CSTPP1: variants seen among roughly 807,000 people sequenced by gnomAD.
CSTPP1 encodes UPF0705 protein C11orf49.
At chr11:47,130,635 CCTT>C in the CSTPP1 span, 36,456 of 151,868 alleles carry the variant, frequency 0.24, 5,078 homozygotes, top group East Asian at 0.65. Flanking sequence ...TGTCTTGCCT[CCTT>C]CTTCCCTTCC....
the CSTPP1 span, among the ~76,000 whole-genome samples, chr11:47,090,970 C>A: frequency 1.4e-5 from 2 of 139,552 alleles, no homozygotes; most frequent in African/African-American, 5.4e-5. Context: ...ACCTGGGAGG[C>A]AGAGTTTGCA....
the CSTPP1 span, among the ~76,000 whole-genome samples, chr11:47,083,935 G>T: frequency 1.3e-5 from 2 of 152,146 alleles, no homozygotes; most frequent in African/African-American, 2.4e-5. Context: ...TCTTTTTATG[G>T]ATGTATGTTT....
the CSTPP1 span, among the ~76,000 whole-genome samples, chr11:47,065,315 A>T: frequency 6.7e-6 from 1 of 148,500 alleles, no homozygotes. Context: ...TCTTTCAGCA[A>T]TTTTTTTTTT....
chr11:47,089,298 T>C, the CSTPP1 span, among the ~76,000 whole-genome samples: 1 of 152,222 alleles, frequency 6.6e-6, no homozygotes. Flanking sequence ...TAATTTCCTC[T>C]TTATGTATAC....
chr11:47,144,625 A>G, the CSTPP1 span, among the ~76,000 whole-genome samples: 1 of 152,174 alleles, frequency 6.6e-6, no homozygotes, highest in Non-Finnish European at 1.5e-5. Context: ...AGAAAATAAT[A>G]TATAACAAAA....
the CSTPP1 span, chr11:47,137,723 C>A: frequency 1.1e-5 from 18 of 1,614,078 alleles, no homozygotes; most frequent in Middle Eastern, 1.6e-4. Context: ...ACTCAGAAAG[C>A]AGCCAGGTAC....
the CSTPP1 span, among the ~76,000 whole-genome samples, chr11:47,029,534 G>A: frequency 1.1e-4 from 16 of 151,630 alleles, no homozygotes; most frequent in East Asian, 5.9e-4. Flanking sequence ...TCTTGAACCT[G>A]AGAGGTGGAA....
chr11:47,133,239 G>A, the CSTPP1 span, among the ~76,000 whole-genome samples: 1 of 152,194 alleles, frequency 6.6e-6, no homozygotes, highest in East Asian at 1.9e-4. Context: ...CCACATAATT[G>A]GTGAGACTAG....
the CSTPP1 span, among the ~76,000 whole-genome samples, chr11:46,949,516 A>AGG: frequency 6.6e-6 from 1 of 152,180 alleles, no homozygotes; most frequent in African/African-American, 2.4e-5. Flanking sequence ...GCCTGAACAT[A>AGG]GGGACTGTTT....
the CSTPP1 span, among the ~76,000 whole-genome samples, chr11:47,108,693 A>AGT: frequency 7.0e-6 from 1 of 143,800 alleles, no homozygotes; most frequent in African/African-American, 2.6e-5. Context: ...GGGACAGTTC[A>AGT]GTACTATCTA....
chr11:46,961,181 A>G, the CSTPP1 span, among the ~76,000 whole-genome samples: 1 of 152,152 alleles, frequency 6.6e-6, no homozygotes, highest in Non-Finnish European at 1.5e-5. Flanking sequence ...CATTTTACCC[A>G]CCAGCAGTAT....
chr11:47,111,462 G>C, the CSTPP1 span, among the ~76,000 whole-genome samples: 2 of 151,928 alleles, frequency 1.3e-5, no homozygotes, highest in African/African-American at 2.4e-5. Context: ...AATGAGTTTC[G>C]ACTGCTGTAC....
chr11:46,971,902 T>A, the CSTPP1 span, among the ~76,000 whole-genome samples: 1 of 152,218 alleles, frequency 6.6e-6, no homozygotes, highest in African/African-American at 2.4e-5. Context: ...GAGCCGTGAT[T>A]GTGCCACTGC....
the CSTPP1 span, among the ~76,000 whole-genome samples, chr11:47,006,014 G>A: frequency 6.6e-6 from 1 of 152,020 alleles, no homozygotes; most frequent in Non-Finnish European, 1.5e-5. Context: ...CTTCCATTCT[G>A]AAATTGTTTT....
At chr11:47,011,603 G>A in the CSTPP1 span, among the ~76,000 whole-genome samples, 1 of 152,192 alleles carries the variant, frequency 6.6e-6, no homozygotes, top group Admixed American at 6.5e-5. Flanking sequence ...ATCACTTAGA[G>A]GTAGGCCATG....
chr11:47,035,280 TTC>T, the CSTPP1 span, among the ~76,000 whole-genome samples: 10 of 152,332 alleles, frequency 6.6e-5, no homozygotes, highest in East Asian at 3.9e-4. Flanking sequence ...GTCATGAATT[TTC>T]TCTGTTTCTT....
chr11:47,093,595 C>T, the CSTPP1 span, among the ~76,000 whole-genome samples: 3 of 152,100 alleles, frequency 2.0e-5, no homozygotes, highest in Non-Finnish European at 2.9e-5. Context: ...GGCAACATAG[C>T]GTAATGGTCA....
the CSTPP1 span, among the ~76,000 whole-genome samples, chr11:47,071,586 T>C: frequency 6.6e-6 from 1 of 152,182 alleles, no homozygotes; most frequent in African/African-American, 2.4e-5. Context: ...GAACCTTGCT[T>C]ATTGTAGGTG....
At chr11:46,968,613 T>G in the CSTPP1 span, among the ~76,000 whole-genome samples, 2 of 151,234 alleles carry the variant, frequency 1.3e-5, no homozygotes, top group Non-Finnish European at 2.9e-5. Flanking sequence ...AAAAATAGAG[T>G]GTTTCTGCTG....
Sources: gnomAD v4.1 joint callset for allele counts (sites outside exome capture counted in the v4.1 genomes callset) on GRCh38, gnomAD v4.1.1 for gene constraint, MANE v1.5 for transcripts, NCBI Gene and HGNC (gene_info 2026-07-23, HGNC 2026-07-21) for gene names.